The following SVOPL variants were observed in gnomAD, a reference collection of about 807,000 sequenced individuals.
The protein encoded by SVOPL is putative transporter SVOPL.
SVOPL carries 60 observed loss-of-function variants against 61.0 expected under a neutral mutation model. The ratio of observed to expected loss-of-function variants is 0.98; its 90% CI spans 0.80 to 1.22. SVOPL has a LOEUF of 1.22. SVOPL is among the 50% of genes most tolerant of loss of function. The probability of loss-of-function intolerance (pLI) is 0.00; values close to 1 mark genes in which losing one functional copy is unlikely to be tolerated. For missense variants in SVOPL, 662 were observed against 643.9 expected, an observed-to-expected ratio of 1.03 and a Z score of -0.30; for synonymous variants, 279 against 250.0, an observed-to-expected ratio of 1.12 and a Z score of -1.09.
intron 7 of SVOPL, among the ~76,000 whole-genome samples, chr7:138,655,908 T>G (rs1176590049): frequency 6.6e-6 from 1 of 152,098 alleles, no homozygotes; most frequent in Non-Finnish European, 1.5e-5. Flanking sequence ...AGTGGCACAG[T>G]TTGGGAGAAT....
rs1244321127 is a variant in SVOPL, at chr7:138,672,649, T to TG, written c.175-533_175-532insC. ...TTCATCAGCAGGAAAGTGTTTTTTT[T>TG]TGTGTTTAAAAAAAAAAAAAAAAAA... On this transcript the variant is annotated intron_variant, in intron 3 of 15. Transcript: ENST00000674285. Among the ~76,000 whole-genome samples the TG allele has an allele frequency of 1.0e-3, 118 of 113,728 alleles. 2 individuals are homozygous for TG. The highest frequency in any genetic ancestry group is 4.1e-3 in the East Asian group (15 of 3,674). 74.6% of individuals were successfully genotyped at this position (113,728 alleles called of 152,430 possible).
At chr7:138,609,721 G>C (rs1341274627) in intron 14 of SVOPL, among the ~76,000 whole-genome samples, 2 of 145,762 alleles carry the variant, frequency 1.4e-5, no homozygotes, top group Non-Finnish European at 3.0e-5. Context: ...TTTTTTTTTG[G>C]GGGGGGTGGG....
Position 138,597,130 on chromosome 7 carries a change from A to G in SVOPL, c.1354-600T>C, listed in dbSNP as rs773970369. On this transcript the variant is annotated intron_variant, in intron 14 of 15. Coordinates refer to ENST00000674285, the MANE Select transcript of SVOPL (RefSeq NM_001139456.2). ...TTGGCCTGGATCTTTTCACGCAGAT[A>G]CTGGTAATTCAGATACTCCATCTCA... 28 of 1,283,004 alleles carry G rather than the reference A, an allele frequency of 2.2e-5. No homozygotes were observed. The South Asian group carries it at 3.3e-4, about 15-fold the overall frequency. The allele number at this position is 1,283,004 out of a possible 1,614,324, so 79.5% of individuals were successfully genotyped here.
rs77257168 is a variant in SVOPL at position 138,670,485 on chromosome 7, G to A, written c.273+1534C>T. ...TTTGACAACGGGATGACTCCACCCA[G>A]ACCCATGACCCCTGACTCAACTGGT... On this transcript the variant is annotated intron_variant, in intron 4 of 15. Coordinates refer to ENST00000674285, the MANE Select transcript of SVOPL (RefSeq NM_001139456.2). Among the ~76,000 whole-genome samples, 646 of 152,208 alleles carry A rather than the reference G, an allele frequency of 4.2e-3. 1 individual carries two copies. Among genetic ancestry groups the A allele is most frequent in the African/African-American group, 0.015 (613 of 41,530 alleles).
At chr7:138,673,339 G>A (rs73730423) in intron 3 of SVOPL, among the ~76,000 whole-genome samples, 3,201 of 152,210 alleles carry the variant, frequency 0.021, 113 homozygotes, top group African/African-American at 0.073. Flanking sequence ...TAGTTCAACA[G>A]GTATCAGAAG....
intron 1 of SVOPL, among the ~76,000 whole-genome samples, chr7:138,693,612 G>GGAAAGAAAGAAA (rs1291779341): frequency 5.2e-5 from 6 of 115,188 alleles, no homozygotes; most frequent in South Asian, 2.9e-4. Context: ...AAAGAAAAAA[G>GGAAAGAAAGAAA]AAAGAAAGAA....
intron 1 of SVOPL, among the ~76,000 whole-genome samples, chr7:138,685,159 C>T (rs1007767614): frequency 5.9e-5 from 9 of 151,814 alleles, no homozygotes; most frequent in Non-Finnish European, 1.2e-4. Context: ...CTCCGACTCC[C>T]GACCTCAGGT....
intron 7 of SVOPL, among the ~76,000 whole-genome samples, chr7:138,654,751 CTTTGG>C (rs1801626694): frequency 6.6e-6 from 1 of 151,788 alleles, no homozygotes; most frequent in Admixed American, 6.6e-5. Flanking sequence ...CATCCCAACA[CTTTGG>C]AAGGCTGAGG....
intron 14 of SVOPL, among the ~76,000 whole-genome samples, chr7:138,608,611 C>T (rs75998658): frequency 0.082 from 12,405 of 152,162 alleles, 732 homozygotes; most frequent in African/African-American, 0.16. Flanking sequence ...TGCATTCACT[C>T]TGTGAAATGT....
chr7:138,675,251 G>GAAAAAA (rs1462001038), intron 3 of SVOPL, among the ~76,000 whole-genome samples: 2 of 148,678 alleles, frequency 1.3e-5, no homozygotes, highest in African/African-American at 5.0e-5. Context: ...AAAGAAAAAA[G>GAAAAAA]AAAAAAAGAA....
At chr7:138,648,690 G>A (rs560205794) in intron 8 of SVOPL, among the ~76,000 whole-genome samples, 28 of 150,966 alleles carry the variant, frequency 1.9e-4, no homozygotes, top group Non-Finnish European at 3.5e-4. Flanking sequence ...CCTGGGGGAC[G>A]CTGCACTCCA....
chr7:138,699,495 G>A (rs573681006), intron 1 of SVOPL, among the ~76,000 whole-genome samples: 2 of 152,164 alleles, frequency 1.3e-5, no homozygotes, highest in South Asian at 2.1e-4. Context: ...TATTTCATGG[G>A]TAAACTTGAG....
At chr7:138,655,281 A>C (rs1415211849) in intron 7 of SVOPL, among the ~76,000 whole-genome samples, 1 of 152,162 alleles carries the variant, frequency 6.6e-6, no homozygotes, top group African/African-American at 2.4e-5. Context: ...AGGCGGGTGG[A>C]TCACCTGAGG....
At chr7:138,624,714 T>A (rs968877912) in intron 13 of SVOPL, among the ~76,000 whole-genome samples, 4 of 151,820 alleles carry the variant, frequency 2.6e-5, no homozygotes, top group South Asian at 4.2e-4. Flanking sequence ...TTTTTTAATT[T>A]AGAGACATGG....
At chr7:138,693,568 AGAAAGAAAAAAG>A (rs1366734428) in intron 1 of SVOPL, among the ~76,000 whole-genome samples, 31 of 147,738 alleles carry the variant, frequency 2.1e-4, no homozygotes, top group African/African-American at 1.6e-4. Context: ...AAAGAAAGAA[AGAAAGAAAAAAG>A]GAAAGAAAGA....
At chr7:138,629,538 G>A (rs180866049) in intron 10 of SVOPL, among the ~76,000 whole-genome samples, 46 of 152,148 alleles carry the variant, frequency 3.0e-4, no homozygotes, top group Non-Finnish European at 6.2e-4. Flanking sequence ...CACCGTACCC[G>A]GCCTTCTTCA....
intron 10 of SVOPL, 48 bp from the exon 11 acceptor site, chr7:138,628,411 G>GA (rs1382378649): frequency 6.3e-7 from 1 of 1,587,532 alleles, no homozygotes; most frequent in East Asian, 2.2e-5. Flanking sequence ...CACCAGACCT[G>GA]AAGGATGAGT....
chr7:138,662,726 A>C lies in SVOPL; in HGVS notation c.345+348T>G, dbSNP rs909277178. 6 of 1,071,354 alleles carry C rather than the reference A, an allele frequency of 5.6e-6. No individual in the cohort carries two copies. The African/African-American group carries it at 8.3e-5, about 15-fold the overall frequency. 66.4% of individuals were successfully genotyped at this position (1,071,354 alleles called of 1,614,324 possible). On this transcript the variant is annotated intron_variant, in intron 5 of 15. Coordinates refer to ENST00000674285, the MANE Select transcript of SVOPL (RefSeq NM_001139456.2). The stretch of plus-strand genomic sequence containing the variant: ...TAAACTGGACGTGGTGGGGGCATCT[A>C]ACCAACCCATGACTGCTTCTAAGTC...
intron 14 of SVOPL, among the ~76,000 whole-genome samples, chr7:138,612,424 T>TAAAAAAAAAAA (rs1281500368): frequency 1.5e-4 from 6 of 41,196 alleles, no homozygotes; most frequent in Non-Finnish European, 2.1e-4. Context: ...AAAAAAAAAA[T>TAAAAAAAAAAA]AAAATAAAAA....
Sources: allele counts gnomAD v4.1 joint callset (sites outside exome capture counted in the v4.1 genomes callset), GRCh38; gene constraint gnomAD v4.1.1; transcripts MANE v1.5; gene names NCBI Gene and HGNC (gene_info 2026-07-23, HGNC 2026-07-21).